The following KLF8 variants were observed in gnomAD, a reference collection of about 807,000 sequenced individuals.
KLF8 encodes the protein Krueppel-like factor 8.
In KLF8, 10 loss-of-function variants were observed where a neutral mutation model predicts 18.2. The observed-to-expected ratio is 0.55, with a 90% CI of 0.34 to 0.93. KLF8 has a LOEUF of 0.93. Ranked by LOEUF, KLF8 falls within the 40% of genes least tolerant of loss-of-function variation. KLF8 has a pLI of 0.02. For missense variants in KLF8, 264 were observed against 277.9 expected (o/e 0.95, Z 0.36); for synonymous variants, 109 against 97.3 (o/e 1.12, Z -0.71).
the KLF8 span, among the ~76,000 whole-genome samples, chrX:55,967,406 T>G: frequency 9.1e-6 from 1 of 109,975 alleles, no homozygotes; most frequent in African/African-American, 3.3e-5. Context: ...CTCCAATACC[T>G]CTGGAAGCAG....
chrX:55,963,177 A>C, the KLF8 span, among the ~76,000 whole-genome samples: 2 of 111,762 alleles, frequency 1.8e-5, no homozygotes, highest in African/African-American at 6.5e-5. Context: ...TCCTGTTGGG[A>C]TTTATTTAAA....
chrX:56,228,049 G>C (rs2066380905), upstream of KLF8, among the ~76,000 whole-genome samples: 1 of 111,772 alleles, frequency 8.9e-6, no homozygotes, highest in African/African-American at 3.3e-5. Context: ...CATGTTTCTG[G>C]CCCATTGGCC....
the KLF8 span, among the ~76,000 whole-genome samples, chrX:55,934,102 T>C: frequency 5.3e-5 from 6 of 112,264 alleles, no homozygotes; most frequent in Non-Finnish European, 7.5e-5. Context: ...TATACAGTTT[T>C]CTTGTAAAGT....
the KLF8 span, among the ~76,000 whole-genome samples, chrX:56,092,862 G>A: frequency 2.7e-5 from 3 of 109,892 alleles, no homozygotes; most frequent in Non-Finnish European, 5.7e-5. Context: ...GAATCAAAAG[G>A]AAATGCTATA....
In KLF8 at chrX:56,269,310, G is replaced by A. The variant is rs1602455959; in HGVS notation, c.647-68G>A. ...CACTTCTTAAGGTGGGACAAACTGG[G>A]AATCCTGAAAATGATTAAAGAGGCA... On this transcript the variant is annotated intron_variant, in intron 3 of 5. Coordinates refer to ENST00000468660, the MANE Select transcript of KLF8 (RefSeq NM_007250.5). The A allele has an allele frequency of 3.7e-6, 4 of 1,082,853 alleles. No homozygotes were observed. In the East Asian group the frequency reaches 1.0e-4, roughly 28 times the overall value. 89.2% of individuals were successfully genotyped at this position (1,082,853 alleles called of 1,213,427 possible).
the KLF8 span, among the ~76,000 whole-genome samples, chrX:56,160,978 C>G: frequency 9.0e-6 from 1 of 111,170 alleles, no homozygotes; most frequent in Non-Finnish European, 1.9e-5. Flanking sequence ...CAGTTTCTTC[C>G]TAGCCTCGAT....
At chrX:56,048,463 T>C in the KLF8 span, among the ~76,000 whole-genome samples, 9 of 112,069 alleles carry the variant, frequency 8.0e-5, no homozygotes, top group African/African-American at 2.9e-4. Context: ...AAGGAAGGGA[T>C]CCAGTTTCAG....
the KLF8 span, among the ~76,000 whole-genome samples, chrX:55,982,988 A>G: frequency 2.7e-5 from 3 of 111,763 alleles, no homozygotes; most frequent in African/African-American, 6.5e-5. Flanking sequence ...TAGCTTTGCC[A>G]GATCTTATTT....
the KLF8 span, among the ~76,000 whole-genome samples, chrX:56,050,105 G>A: frequency 2.7e-5 from 3 of 109,978 alleles, no homozygotes; most frequent in Admixed American, 9.6e-5. Flanking sequence ...TGTGGGATCG[G>A]TGGTGATATC....
the KLF8 span, among the ~76,000 whole-genome samples, chrX:56,087,727 A>G: frequency 1.8e-5 from 2 of 112,243 alleles, no homozygotes; most frequent in Non-Finnish European, 3.8e-5. Context: ...ATTTTCTGTG[A>G]ACAGTTATTT....
chrX:56,031,873 A>C, the KLF8 span, among the ~76,000 whole-genome samples: 12 of 111,283 alleles, frequency 1.1e-4, no homozygotes, highest in Non-Finnish European at 1.7e-4. Flanking sequence ...AACGTTAAAG[A>C]TTTTACATGA....
At chrX:56,251,396 T>G (rs1007538101) in intron 2 of KLF8, among the ~76,000 whole-genome samples, 2 of 112,457 alleles carry the variant, frequency 1.8e-5, no homozygotes, top group African/African-American at 6.4e-5. Flanking sequence ...GTTGGTTACA[T>G]TTAGGAATCT....
At chrX:56,215,822 C>CAAAAAAAAAAAAAAAAAAAAAAAA in the KLF8 span, among the ~76,000 whole-genome samples, 12 of 31,392 alleles carry the variant, frequency 3.8e-4, no homozygotes, top group Non-Finnish European at 4.3e-4. Context: ...GACTCTGTCT[C>CAAAAAAAAAAAAAAAAAAAAAAAA]AAAAAAAAAA....
At chrX:55,987,816 A>G in the KLF8 span, among the ~76,000 whole-genome samples, 1 of 112,119 alleles carries the variant, frequency 8.9e-6, no homozygotes, top group African/African-American at 3.2e-5. Context: ...CAGTCCCACC[A>G]ACAGTGTAAA....
the KLF8 span, among the ~76,000 whole-genome samples, chrX:55,915,107 T>A: frequency 9.0e-6 from 1 of 110,597 alleles, no homozygotes; most frequent in Non-Finnish European, 1.9e-5. Context: ...GAGTCTGGAC[T>A]GGTAGAAATG....
At chrX:56,001,222 C>A in the KLF8 span, among the ~76,000 whole-genome samples, 2 of 112,270 alleles carry the variant, frequency 1.8e-5, no homozygotes, top group East Asian at 5.6e-4. Context: ...CTTGTTGCTT[C>A]TCTGCATACT....
At chrX:55,942,170 T>A in the KLF8 span, among the ~76,000 whole-genome samples, 1 of 111,471 alleles carries the variant, frequency 9.0e-6, no homozygotes, top group Middle Eastern at 4.2e-3. Context: ...ATATACACCA[T>A]GGAATACTAT....
chrX:56,150,234 G>T, the KLF8 span, among the ~76,000 whole-genome samples: 3 of 111,657 alleles, frequency 2.7e-5, no homozygotes, highest in Non-Finnish European at 5.6e-5. Context: ...AGAGCCTTTA[G>T]TGAAGGTTCC....
At position 56,233,223 on chromosome X, in the gene KLF8, T is replaced by A; in HGVS notation, c.-112T>A. On this transcript the variant is annotated 5_prime_UTR_variant, in exon 1 of 6. Transcript: ENST00000468660. ...CGAGAACGCGTCGCCCTGCGCTATG[T>A]CAGAATGGGGCGGGTGTGAGGGGAA... 6.5e-6 allele frequency: 6 copies of A among 926,725 alleles called. No individual in the cohort carries two copies. The highest frequency in any genetic ancestry group is 9.3e-6 in the Non-Finnish European group (6 of 643,491). The allele number at this position is 926,725 out of a possible 1,213,427, so 76.4% of individuals were successfully genotyped here.
Sources: gnomAD v4.1 joint callset for allele counts (sites outside exome capture counted in the v4.1 genomes callset) on GRCh38, gnomAD v4.1.1 for gene constraint, MANE v1.5 for transcripts, NCBI Gene and HGNC (gene_info 2026-07-23, HGNC 2026-07-21) for gene names.